GALNTL6: variants seen among roughly 807,000 people sequenced by gnomAD.
GALNTL6 encodes the protein polypeptide N-acetylgalactosaminyltransferase like 6.
Under a neutral mutation model 73.7 loss-of-function variants are expected in GALNTL6, and 46 were observed. That is an observed-to-expected ratio of 0.62 (90% CI 0.49 to 0.80). GALNTL6 has a LOEUF of 0.80. Among genes scored for constraint, GALNTL6 ranks in the 30% least tolerant of loss-of-function variants. The probability of loss-of-function intolerance (pLI) is 0.00; values close to 1 mark genes in which losing one functional copy is unlikely to be tolerated. For missense variants in GALNTL6, 604 were observed against 755.0 expected (o/e 0.80, Z 2.34); for synonymous variants, 259 against 263.7 (o/e 0.98, Z 0.17).
At chr4:171,814,371 T>G (rs1354990884) in intron 1 of GALNTL6, 41 bp from the exon 2 acceptor site, 1 of 599,818 alleles carries the variant, frequency 1.7e-6, no homozygotes, top group African/African-American at 1.9e-5. Context: ...GCCTTCGTCA[T>G]AGTTTTCTGG....
At chr4:172,104,839 A>C (rs1025374391) in intron 2 of GALNTL6, among the ~76,000 whole-genome samples, 5 of 152,170 alleles carry the variant, frequency 3.3e-5, no homozygotes, top group Non-Finnish European at 7.4e-5. Flanking sequence ...CTCATGCTGA[A>C]AATAGGTCCA....
intron 2 of GALNTL6, among the ~76,000 whole-genome samples, chr4:172,066,636 A>T (rs542963860): frequency 2.2e-4 from 33 of 151,670 alleles, no homozygotes; most frequent in African/African-American, 6.5e-4. Flanking sequence ...ACATGAACTC[A>T]TCTCAAGATT....
chr4:172,182,008 C>T (rs1223648394), intron 2 of GALNTL6, among the ~76,000 whole-genome samples: 5 of 152,030 alleles, frequency 3.3e-5, no homozygotes, highest in African/African-American at 7.2e-5. Context: ...TGAGCCACCG[C>T]GCCCGGCCTT....
intron 8 of GALNTL6, among the ~76,000 whole-genome samples, chr4:172,894,559 A>AT (rs1357592131): frequency 4.6e-5 from 7 of 152,210 alleles, no homozygotes; most frequent in South Asian, 4.1e-4. Flanking sequence ...TGATTTCAAC[A>AT]TTTTTTAATT....
At chr4:172,794,954 A>C (rs764170349) in intron 5 of GALNTL6, among the ~76,000 whole-genome samples, 19 of 152,208 alleles carry the variant, frequency 1.2e-4, no homozygotes, top group Non-Finnish European at 2.5e-4. Flanking sequence ...ATTCAGAGGA[A>C]TGCTATTTGG....
At chr4:172,760,980 A>G (rs1038135654) in intron 5 of GALNTL6, among the ~76,000 whole-genome samples, 4 of 152,322 alleles carry the variant, frequency 2.6e-5, no homozygotes, top group East Asian at 1.9e-4. Context: ...AAGAGGCTCG[A>G]TGAAGAGAGA....
chr4:171,816,170 T>A (rs937579346), intron 2 of GALNTL6: 4 of 152,132 alleles, frequency 2.6e-5, no homozygotes, highest in African/African-American at 9.6e-5. Flanking sequence ...CTCCACTCCA[T>A]GCTGGTAAAA....
At chr4:172,996,995 T>C (rs1473745980) in intron 10 of GALNTL6, among the ~76,000 whole-genome samples, 2 of 152,186 alleles carry the variant, frequency 1.3e-5, no homozygotes, top group East Asian at 1.9e-4. Flanking sequence ...GGTCTTCTTC[T>C]TCAGTCTTGT....
intron 5 of GALNTL6, among the ~76,000 whole-genome samples, chr4:172,750,728 A>T (rs1286406464): frequency 2.6e-5 from 4 of 152,218 alleles, no homozygotes; most frequent in Non-Finnish European, 4.4e-5. Flanking sequence ...AAGGTCAAAC[A>T]TATTTTGGAA....
At chr4:172,734,669 G>A (rs1223138230) in intron 5 of GALNTL6, among the ~76,000 whole-genome samples, 1 of 152,184 alleles carries the variant, frequency 6.6e-6, no homozygotes, top group Non-Finnish European at 1.5e-5. Flanking sequence ...TCATGGGCTG[G>A]TGTTGAGTGT....
intron 2 of GALNTL6, among the ~76,000 whole-genome samples, chr4:171,874,712 T>TA (rs1389670112): frequency 2.0e-5 from 3 of 152,148 alleles, no homozygotes. Flanking sequence ...AGCTGAGACC[T>TA]AAAATACTGT....
intron 2 of GALNTL6, among the ~76,000 whole-genome samples, chr4:172,078,141 C>T (rs1383399272): frequency 6.6e-6 from 1 of 152,166 alleles, no homozygotes; most frequent in African/African-American, 2.4e-5. Context: ...CAGTAGTCTG[C>T]TTCAAGAGTG....
At chr4:172,339,257 CCACACACA>C (rs70941402) in intron 4 of GALNTL6, among the ~76,000 whole-genome samples, 10,826 of 120,860 alleles carry the variant, frequency 0.09, 539 homozygotes, top group Non-Finnish European at 0.12. Context: ...CACACACACA[CCACACACA>C]CACACACACA....
intron 5 of GALNTL6, among the ~76,000 whole-genome samples, chr4:172,503,513 T>C (rs2110783125): frequency 7.8e-6 from 1 of 127,980 alleles, no homozygotes; most frequent in Non-Finnish European, 1.6e-5. Flanking sequence ...AGTTTGAACA[T>C]GTACATAGAG....
chr4:172,657,438 A>G (rs1165660660), intron 5 of GALNTL6, among the ~76,000 whole-genome samples: 3 of 152,184 alleles, frequency 2.0e-5, no homozygotes, highest in South Asian at 2.1e-4. Context: ...GCTGCTAGCT[A>G]TTTTTTACCA....
intron 3 of GALNTL6, among the ~76,000 whole-genome samples, chr4:172,308,003 C>CTTTTTTTA (rs1740206942): frequency 2.9e-5 from 1 of 34,588 alleles, no homozygotes; most frequent in Non-Finnish European, 5.0e-5. Flanking sequence ...TGTGTTTTAA[C>CTTTTTTTA]TTTTTTTTTT....
chr4:172,372,687 G>A (rs1386044749), intron 5 of GALNTL6, among the ~76,000 whole-genome samples: 2 of 152,064 alleles, frequency 1.3e-5, no homozygotes, highest in Admixed American at 6.6e-5. Flanking sequence ...TTTGAACTAG[G>A]GCCTGCTTTA....
chr4:172,548,371 G>A (rs187581917), intron 5 of GALNTL6, among the ~76,000 whole-genome samples: 3 of 152,246 alleles, frequency 2.0e-5, no homozygotes, highest in Admixed American at 2.0e-4. Flanking sequence ...GAGGCTATTA[G>A]GGGACAAGTC....
At chr4:172,111,928 GATCA>G (rs1732863240) in intron 2 of GALNTL6, among the ~76,000 whole-genome samples, 1 of 151,912 alleles carries the variant, frequency 6.6e-6, no homozygotes, top group Non-Finnish European at 1.5e-5. Flanking sequence ...AACACATTAT[GATCA>G]ATCAAAGTCC....
Sources: gnomAD v4.1 joint callset for allele counts (sites outside exome capture counted in the v4.1 genomes callset) on GRCh38, gnomAD v4.1.1 for gene constraint, MANE v1.5 for transcripts, NCBI Gene and HGNC (gene_info 2026-07-23, HGNC 2026-07-21) for gene names.